Variants in MCM9 observed in about 807,000 individuals in gnomAD.
The protein encoded by MCM9 is minichromosome maintenance 9 homologous recombination repair factor.
A neutral mutation model predicts 72.8 loss-of-function variants in MCM9; 55 were observed. The observed-to-expected ratio is 0.76, with a 90% CI of 0.61 to 0.95. MCM9 has a LOEUF of 0.95. MCM9 is among the 40% of genes least tolerant of loss of function. The pLI is 0.00. For missense variants in MCM9, 1,279 were observed against 1,377.0 expected (o/e 0.93, Z 1.13); for synonymous variants, 480 against 503.4 (o/e 0.95, Z 0.62).
At position 118,826,107 on chromosome 6, in the gene MCM9, G is replaced by A. The variant is rs752271269; in HGVS notation, c.1961+40C>T. Reference sequence around the variant, plus strand: ...TTTGTTTCACTAAATGCCAAACAAGGATTTTCCATTGTATGCCTTTCTGGG... The same window carrying A: ...TTTGTTTCACTAAATGCCAAACAAGAATTTTCCATTGTATGCCTTTCTGGG... On this transcript the variant is annotated intron_variant, in intron 13 of 13. Coordinates refer to ENST00000619706, the MANE Select transcript of MCM9 (RefSeq NM_017696.3). 5.2e-6 allele frequency: 8 copies of A among 1,528,610 alleles called. No homozygotes were observed. The South Asian group carries it at 7.3e-5, about 14-fold the overall frequency. 94.7% of individuals were successfully genotyped at this position (1,528,610 alleles called of 1,614,324 possible).
chr6:118,848,133 G>C (rs1402564464), intron 9 of MCM9, among the ~76,000 whole-genome samples: 2 of 151,820 alleles, frequency 1.3e-5, no homozygotes, highest in Non-Finnish European at 2.9e-5. Context: ...CTTCATTTTA[G>C]ATAGACCAAA....
intron 9 of MCM9, among the ~76,000 whole-genome samples, chr6:118,847,159 T>A (rs987557626): frequency 2.0e-5 from 3 of 151,676 alleles, no homozygotes; most frequent in Non-Finnish European, 4.4e-5. Flanking sequence ...GGAAATACTC[T>A]CAGAAATGAA....
intron 9 of MCM9, among the ~76,000 whole-genome samples, chr6:118,843,690 A>G (rs1400452297): frequency 0.062 from 1,858 of 29,796 alleles, 46 homozygotes; most frequent in African/African-American, 0.098. Flanking sequence ...ATATATGTGT[A>G]TATATATATA....
At chr6:118,835,890 T>C (rs193096989) in intron 9 of MCM9, among the ~76,000 whole-genome samples, 16 of 152,294 alleles carry the variant, frequency 1.1e-4, no homozygotes, top group African/African-American at 3.8e-4. Flanking sequence ...CTATGTTGAC[T>C]AGGAGTGGTG....
Position 118,838,503 on chromosome 6 carries a change from G to A in MCM9, c.1326-9253C>T, listed in dbSNP as rs138694525. 7.6e-3 allele frequency among the ~76,000 whole-genome samples: 1,138 copies of A among 149,452 alleles called. 8 individuals carry two copies. Among genetic ancestry groups the A allele is most frequent in the South Asian group, 0.029 (138 of 4,714 alleles). On this transcript the variant is annotated intron_variant, in intron 9 of 13. Coordinates refer to ENST00000619706, the MANE Select transcript of MCM9 (RefSeq NM_017696.3). ...GACTGGGTTTCACCATGTTAGCTAG[G>A]ATGGTCTTGATCTCCTGACCTCATG...
rs897995843 is a variant in MCM9, at chr6:118,813,581, T to C, written c.*1243A>G. 3 of 152,210 alleles carry C rather than the reference T, an allele frequency of 2.0e-5. No homozygotes were observed. Among genetic ancestry groups the C allele is most frequent in the East Asian group, 1.9e-4 (1 of 5,190 alleles). 9.4% of individuals were successfully genotyped at this position (152,210 alleles called of 1,614,324 possible). ...AAGTGAAAATTAAACAAAATACATA[T>C]AGTTTTGAGTATTCTATGTCCAAAA... On this transcript the variant is annotated 3_prime_UTR_variant, in exon 14 of 14. Coordinates refer to ENST00000619706, the MANE Select transcript of MCM9 (RefSeq NM_017696.3).
Position 118,931,675 on chromosome 6 carries a change from CAT to C in MCM9, c.47_48del (p.Tyr16CysfsTer6), listed in dbSNP as rs749396054. On this transcript the variant is annotated frameshift_variant, in exon 3 of 14. Transcript: ENST00000619706. LOFTEE classifies it high-confidence loss of function. The part of the protein sequence containing the change: ...VTLVGQVFES[Y>X]VSEYHKNDIL... ...ATATCATTCTTATGGTATTCCGAAA[CAT>C]ATGACTCAAACACTTGACCAACCAG... 1 of 1,613,878 alleles carries C rather than the reference CAT, an allele frequency of 6.2e-7. No homozygotes were observed. Among genetic ancestry groups the C allele is most frequent in the Non-Finnish European group, 8.5e-7 (1 of 1,179,958 alleles).
chr6:118,841,848 T>G (rs1775390364), intron 9 of MCM9, among the ~76,000 whole-genome samples: 1 of 151,814 alleles, frequency 6.6e-6, no homozygotes, highest in Non-Finnish European at 1.5e-5. Context: ...TTTTTTTTTT[T>G]TTTTGACACG....
chr6:118,815,323 G>C lies in MCM9; in HGVS notation c.2933C>G (p.Pro978Arg), dbSNP rs1773341009. 2 of 1,550,452 alleles carry C rather than the reference G, an allele frequency of 1.3e-6. No homozygotes were observed. The highest frequency in any genetic ancestry group is 2.0e-5 in the Admixed American group (1 of 50,960). ...VKRPGKLTST[P>R]GNQISSQPQG... ...TGGCTGACTGGAGATCTGGTTTCCTGGGGTAGATGTTAACTTTCCTGGACG... is the reference window on the plus strand; with the variant it reads ...TGGCTGACTGGAGATCTGGTTTCCTCGGGTAGATGTTAACTTTCCTGGACG... The change falls in exon 14 of 14, where the codon CCA becomes CGA. Residue 978 changes from proline to arginine, a missense_variant. Coordinates refer to ENST00000619706, the MANE Select transcript of MCM9 (RefSeq NM_017696.3).
Position 118,814,952 on chromosome 6 carries a change from TC to T in MCM9, c.3303del (p.Lys1102AsnfsTer12), listed in dbSNP as rs1444698650. 1 of 1,550,454 alleles carries T rather than the reference TC, an allele frequency of 6.4e-7. No individual in the cohort carries two copies. The highest frequency in any genetic ancestry group is 2.0e-5 in the Admixed American group (1 of 50,996). On this transcript the variant is annotated frameshift_variant, in exon 14 of 14. Transcript: ENST00000619706. LOFTEE classifies it low-confidence loss of function (END_TRUNC). The stretch of plus-strand genomic sequence containing the variant: ...GTGGACCCACGGAGCTGAAAAGATT[TC>T]CTTTTACTGACACGCATTGGAGCTG... ...TTTAPMRVSK[R>X]KSFQLRGSTE...
At chr6:118,886,726 G>A (rs1484470318) in intron 8 of MCM9, among the ~76,000 whole-genome samples, 1 of 152,162 alleles carries the variant, frequency 6.6e-6, no homozygotes, top group Non-Finnish European at 1.5e-5. Flanking sequence ...GGCTGAAGTG[G>A]GAGGGTGGCT....
At chr6:118,822,513 G>T (rs1460055943) in intron 13 of MCM9, among the ~76,000 whole-genome samples, 1 of 152,160 alleles carries the variant, frequency 6.6e-6, no homozygotes, top group Non-Finnish European at 1.5e-5. Context: ...AGGGGCACCA[G>T]CCTGATGCCA....
chr6:118,906,728 G>A (rs1780203038), intron 8 of MCM9, among the ~76,000 whole-genome samples: 1 of 152,186 alleles, frequency 6.6e-6, no homozygotes, highest in South Asian at 2.1e-4. Flanking sequence ...AGTATTTTCT[G>A]ATTTTTCACT....
intron 9 of MCM9, among the ~76,000 whole-genome samples, chr6:118,853,671 G>T (rs1032929123): frequency 2.0e-5 from 3 of 152,098 alleles, no homozygotes. Context: ...CAGGCATAGT[G>T]GTGCGTCCCC....
chr6:118,895,182 G>A (rs925295546), intron 8 of MCM9, among the ~76,000 whole-genome samples: 1 of 151,864 alleles, frequency 6.6e-6, no homozygotes, highest in Admixed American at 6.6e-5. Context: ...GGCGGGCGCA[G>A]GCTCGGCCCC....
intron 6 of MCM9, 119 bp downstream of exon 6, chr6:118,917,442 C>T: frequency 8.2e-6 from 8 of 980,896 alleles, no homozygotes; most frequent in Non-Finnish European, 1.2e-5. Context: ...ACTAATCCTA[C>T]CCTTTAAACT....
chr6:118,908,557 A>G (rs1347454223), intron 8 of MCM9: 2 of 152,114 alleles, frequency 1.3e-5, no homozygotes, highest in East Asian at 3.9e-4. Context: ...GGAAATATAT[A>G]TATTTTCACA....
At chr6:118,866,504 C>T (rs1777225505) in intron 8 of MCM9, among the ~76,000 whole-genome samples, 2 of 152,076 alleles carry the variant, frequency 1.3e-5, no homozygotes, top group South Asian at 4.1e-4. Flanking sequence ...ATAAAATTAT[C>T]AATTGAAAAT....
chr6:118,878,382 CATGA>C (rs528315642), intron 8 of MCM9, among the ~76,000 whole-genome samples: 2 of 152,102 alleles, frequency 1.3e-5, no homozygotes, highest in East Asian at 3.9e-4. Context: ...TTCAACCCTA[CATGA>C]AGAAATAAAA....
Sources: gnomAD v4.1 joint callset for allele counts (sites outside exome capture counted in the v4.1 genomes callset) on GRCh38, gnomAD v4.1.1 for gene constraint, MANE v1.5 for transcripts, NCBI Gene and HGNC (gene_info 2026-07-23, HGNC 2026-07-21) for gene names.